The following ASB5 variants were observed in gnomAD, a reference collection of about 807,000 sequenced individuals.
ASB5 encodes ankyrin repeat and SOCS box protein 5.
Under a neutral mutation model 42.1 loss-of-function variants are expected in ASB5, and 45 were observed. That is an observed-to-expected ratio of 1.07 (90% CI 0.84 to 1.37). The LOEUF (loss-of-function observed/expected upper bound fraction) is 1.37, where lower values mean the gene tolerates loss of function less well. ASB5 is among the 40% of genes most tolerant of loss of function. The pLI is 0.00. For synonymous variants in ASB5, 147 were observed against 150.6 expected (o/e 0.98, Z 0.18); for missense variants, 402 against 399.8 (o/e 1.01, Z -0.05).
chr4:176,228,882 T>G (rs1753449081), intron 1 of ASB5, among the ~76,000 whole-genome samples: 1 of 152,210 alleles, frequency 6.6e-6, no homozygotes, highest in Non-Finnish European at 1.5e-5. Flanking sequence ...TCTGTTTGTA[T>G]GATCATTAAA....
At chr4:176,240,392 T>A (rs933217455) in intron 1 of ASB5, among the ~76,000 whole-genome samples, 1 of 152,206 alleles carries the variant, frequency 6.6e-6, no homozygotes, top group African/African-American at 2.4e-5. Context: ...TAACCAGTGC[T>A]AATGTCCCTG....
At chr4:176,259,701 T>G (rs931155230) in intron 1 of ASB5, among the ~76,000 whole-genome samples, 1 of 152,234 alleles carries the variant, frequency 6.6e-6, no homozygotes, top group Non-Finnish European at 1.5e-5. Context: ...TTTATCATTG[T>G]CAGCTTTCAT....
At chr4:176,263,969 T>C (rs1370442035) in intron 1 of ASB5, among the ~76,000 whole-genome samples, 1 of 152,132 alleles carries the variant, frequency 6.6e-6, no homozygotes, top group Admixed American at 6.6e-5. Flanking sequence ...AAATGCCAAG[T>C]TCACCTGCCA....
rs898120468 is a variant in ASB5 at position 176,222,217 on chromosome 4, C to T, written c.384+96G>A. On this transcript the variant is annotated intron_variant, in intron 3 of 6. Transcript: ENST00000296525. ...ATTTTTATTCTGCTATTTTTGAAAA[C>T]TACCGAGAATGAAGGAAAGAAAAGT... 3.6e-6 allele frequency: 4 copies of T among 1,111,688 alleles called. No individual in the cohort carries two copies. In the African/African-American group the frequency reaches 4.8e-5, roughly 13 times the overall value. The allele number at this position is 1,111,688 out of a possible 1,614,324, so 68.9% of individuals were successfully genotyped here. A position where few individuals can be genotyped will look rare whatever the true frequency, so the allele number is the denominator to read the frequency against.
intron 3 of ASB5, 44 bp downstream of exon 3, chr4:176,222,269 C>T: frequency 6.6e-7 from 1 of 1,512,136 alleles, no homozygotes; most frequent in Non-Finnish European, 9.2e-7. Context: ...TGGATTCCCT[C>T]CGTCAGTAGA....
chr4:176,265,125 C>T (rs1260344392), intron 1 of ASB5, among the ~76,000 whole-genome samples: 3 of 152,144 alleles, frequency 2.0e-5, no homozygotes, highest in African/African-American at 4.8e-5. Flanking sequence ...ATGACTCCTA[C>T]TGCCTTCAAA....
At chr4:176,244,166 G>C (rs1025677474) in intron 1 of ASB5, among the ~76,000 whole-genome samples, 1 of 151,922 alleles carries the variant, frequency 6.6e-6, no homozygotes, top group African/African-American at 2.4e-5. Context: ...CTTCTACTCT[G>C]AATGGTATAT....
intron 1 of ASB5, among the ~76,000 whole-genome samples, chr4:176,254,311 A>C (rs916259941): frequency 3.9e-5 from 6 of 152,210 alleles, no homozygotes; most frequent in Non-Finnish European, 5.9e-5. Flanking sequence ...AACAGTGGGG[A>C]AAGGACTCCC....
At chr4:176,250,126 GC>G (rs1754005343) in intron 1 of ASB5, among the ~76,000 whole-genome samples, 2 of 151,816 alleles carry the variant, frequency 1.3e-5, no homozygotes, top group Non-Finnish European at 2.9e-5. Context: ...CACCTGCAAG[GC>G]CACAGGGAGT....
At position 176,243,116 on chromosome 4, in the gene ASB5, A is replaced by G. The variant is rs1045700531; in HGVS notation, c.197-17775T>C. Among the ~76,000 whole-genome samples the G allele has an allele frequency of 2.0e-5, 3 of 152,182 alleles. No individual in the cohort carries two copies. The East Asian group carries it at 5.8e-4, about 29-fold the overall frequency. ...AGGAGACTAAAATATTTACTCTTTA[A>G]TCTTTTACAGGAAAAGTGTGCCAAC... On this transcript the variant is annotated intron_variant, in intron 1 of 6. Transcript: ENST00000296525.
chr4:176,258,101 T>G (rs1754189658), intron 1 of ASB5, among the ~76,000 whole-genome samples: 1 of 152,220 alleles, frequency 6.6e-6, no homozygotes, highest in Admixed American at 6.5e-5. Flanking sequence ...GGCAATTCTA[T>G]CCTGTTTTTG....
intron 1 of ASB5, among the ~76,000 whole-genome samples, chr4:176,232,581 T>C (rs936057965): frequency 5.3e-5 from 8 of 152,136 alleles, no homozygotes; most frequent in Admixed American, 4.6e-4. Flanking sequence ...AGTATAAGCT[T>C]CAGACTTGAC....
Position 176,266,814 on chromosome 4 carries a change from G to T in ASB5, c.196+2099C>A, listed in dbSNP as rs1210533500. Among the ~76,000 whole-genome samples the T allele has an allele frequency of 2.6e-5, 4 of 152,088 alleles. No individual in the cohort carries two copies. In the East Asian group the frequency reaches 7.7e-4, roughly 29 times the overall value. Reference sequence around the variant, plus strand: ...ATTTCCAGGAAAAGTGTTTCCTATTGATATTGATTTCCTTTTTTCTTTCCT... The same window carrying T: ...ATTTCCAGGAAAAGTGTTTCCTATTTATATTGATTTCCTTTTTTCTTTCCT... On this transcript the variant is annotated intron_variant, in intron 1 of 6. Coordinates refer to ENST00000296525, the MANE Select transcript of ASB5 (RefSeq NM_080874.4).
In ASB5 at chr4:176,238,544, C is replaced by T. The variant is rs1051271836; in HGVS notation, c.197-13203G>A. Among the ~76,000 whole-genome samples the T allele has an allele frequency of 2.0e-5, 3 of 152,176 alleles. No individual in the cohort carries two copies. The East Asian group carries it at 5.8e-4, about 29-fold the overall frequency. ...CTATGATGGAATCAAGAGCAGCGAC[C>T]GAACTATGATAGGACTCCAAGGATT... is the stretch of plus-strand genomic sequence containing the variant. On this transcript the variant is annotated intron_variant, in intron 1 of 6. Coordinates refer to ENST00000296525, the MANE Select transcript of ASB5 (RefSeq NM_080874.4).
intron 1 of ASB5, among the ~76,000 whole-genome samples, chr4:176,255,408 C>CTTT (rs1287849413): frequency 1.3e-5 from 2 of 152,162 alleles, no homozygotes; most frequent in East Asian, 3.9e-4. Context: ...GGCACATGCA[C>CTTT]TTGTATATTC....
upstream of ASB5, among the ~76,000 whole-genome samples, chr4:176,269,672 A>G (rs760033758): frequency 4.6e-5 from 7 of 152,194 alleles, no homozygotes; most frequent in Non-Finnish European, 8.8e-5. Context: ...ACAAGTCATT[A>G]CACTGGAACA....
intron 1 of ASB5, among the ~76,000 whole-genome samples, chr4:176,258,244 T>C (rs746262859): frequency 8.5e-5 from 13 of 152,192 alleles, no homozygotes; most frequent in Non-Finnish European, 1.9e-4. Context: ...TCAAGTAGTA[T>C]CAATACCTCC....
Position 176,222,360 on chromosome 4 carries a change from C to T in ASB5, c.337G>A (p.Gly113Arg). Residue 113 changes from glycine to arginine, a missense_variant, in exon 3 of 7, where the codon GGA (glycine) becomes AGA (arginine). Transcript: ENST00000296525. The part of the protein sequence containing the change: ...HVTPLHEACL[G>R]DHVACARTLL... ...GTTCTGGCACATGCCACGTGATCTC[C>T]AAGGCAGGCTTCGTGCAATGGGGTG... 6.2e-7 allele frequency: 1 copy of T among 1,614,062 alleles called. No individual in the cohort carries two copies. Among genetic ancestry groups the T allele is most frequent in the Non-Finnish European group, 8.5e-7 (1 of 1,179,984 alleles).
At chr4:176,276,847 A>G (rs577240519) in intron 1 of ASB5, among the ~76,000 whole-genome samples, 2 of 152,326 alleles carry the variant, frequency 1.3e-5, no homozygotes, top group Non-Finnish European at 2.9e-5. Flanking sequence ...GAAGACAACA[A>G]AAAGTACACG....
Sources: gnomAD v4.1 joint callset for allele counts (sites outside exome capture counted in the v4.1 genomes callset) on GRCh38, gnomAD v4.1.1 for gene constraint, MANE v1.5 for transcripts, NCBI Gene and HGNC (gene_info 2026-07-23, HGNC 2026-07-21) for gene names.